The following FOXS1 variants were observed in gnomAD, a reference collection of about 807,000 sequenced individuals.
FOXS1 encodes the protein forkhead box protein S1.
In FOXS1, 7 loss-of-function variants were observed where a neutral mutation model predicts 13.0. That is an observed-to-expected ratio of 0.54 (90% confidence interval 0.31 to 1.01). FOXS1 has a LOEUF of 1.01. FOXS1 is among the 50% of genes least tolerant of loss of function. The probability of loss-of-function intolerance (pLI) is 0.06; values close to 1 mark genes in which losing one functional copy is unlikely to be tolerated. For synonymous variants in FOXS1, 161 were observed against 189.3 expected (o/e 0.85, Z 1.23); for missense variants, 414 against 464.1 (o/e 0.89, Z 0.99).
rs947345465 is a variant in FOXS1, at chr20:31,845,368, G to A, written c.175C>T (p.Arg59Trp). Residue 59 changes from arginine to tryptophan, a missense_variant, in exon 1 of 1, where the codon CGG (arginine) becomes TGG (tryptophan). Transcript: ENST00000375978. ...MGRFAFYRHNRPGWQNSIRHN... is the reference protein window; with the variant it reads ...MGRFAFYRHNWPGWQNSIRHN... ...CGGATGCTGTTCTGCCAGCCGGGCC[G>A]GTTGTGGCGGTAGAAGGCGAATCGG... 9.9e-6 allele frequency: 16 copies of A among 1,614,128 alleles called. No individual in the cohort carries two copies. The highest frequency in any genetic ancestry group is 2.2e-5 in the East Asian group (1 of 44,900).
Position 31,845,529 on chromosome 20 carries a change from G to A in FOXS1, c.14C>T (p.Pro5Leu). 3 of 1,612,636 alleles carry A rather than the reference G, an allele frequency of 1.9e-6. No individual in the cohort carries two copies. The highest frequency in any genetic ancestry group is 2.5e-6 in the Non-Finnish European group (3 of 1,178,958). Residue 5 changes from proline (P) to leucine (L), a missense_variant, in exon 1 of 1, where the codon CCT (proline) becomes CTT (leucine). Coordinates refer to ENST00000375978, the MANE Select transcript of FOXS1 (RefSeq NM_004118.4). MQQQPLPGPGAPTTE... is the reference protein window; with the variant it reads MQQQLLPGPGAPTTE... ...TGTGGGGGCGCCAGGCCCGGGCAGA[G>A]GCTGCTGCTGCATGCTGGCCGGGCT...
At position 31,844,981 on chromosome 20, in the gene FOXS1, G is replaced by A. The variant is rs573027933; in HGVS notation, c.562C>T (p.Pro188Ser). The change falls in exon 1 of 1, where the codon CCA becomes TCA. Residue 188 changes from proline (P) to serine (S), a missense_variant. Physicochemically the swap from Pro to Ser is moderately conservative, Grantham distance 74. Coordinates refer to ENST00000375978, the MANE Select transcript of FOXS1 (RefSeq NM_004118.4). Reference protein sequence around the residue: ...CPATTDGRPRPPMEPKEISTP... With the variant: ...CPATTDGRPRSPMEPKEISTP... ...GAAATCTCTTTGGGCTCCATGGGTG[G>A]CCGAGGCCTGCCATCAGTGGTTGCT... 14 of 1,614,056 alleles carry A rather than the reference G, an allele frequency of 8.7e-6. 1 individual carries two copies. In the South Asian group the frequency reaches 1.4e-4, roughly 16 times the overall value.
In FOXS1 at chr20:31,844,711, G is replaced by T. The variant is rs1332072502; in HGVS notation, c.832C>A (p.Pro278Thr). 6.2e-7 allele frequency: 1 copy of T among 1,613,182 alleles called. No homozygotes were observed. Among genetic ancestry groups the T allele is most frequent in the Non-Finnish European group, 8.5e-7 (1 of 1,179,480 alleles). Residue 278 changes from proline to threonine, a missense_variant, in exon 1 of 1, where the codon CCA (proline) becomes ACA (threonine). Pro to Thr is a conservative substitution (Grantham distance 38). Transcript: ENST00000375978. ...LLASAAPSPA[P>T]PTPPGSLRAP... The stretch of plus-strand genomic sequence containing the variant: ...CGGAGTGAGCCTGGAGGGGTGGGTG[G>T]TGCAGGGGAGGGGGCTGCTGAGGCC...
Position 31,844,860 on chromosome 20 carries a change from T to C in FOXS1, c.683A>G (p.Glu228Gly), listed in dbSNP as rs770204871. 3.7e-6 allele frequency: 6 copies of C among 1,614,216 alleles called. No homozygotes were observed. Among genetic ancestry groups the C allele is most frequent in the Non-Finnish European group, 5.1e-6 (6 of 1,180,032 alleles). The change falls in exon 1 of 1, where the codon GAG becomes GGG. Residue 228 changes from glutamate (E) to glycine (G), a missense_variant. By Grantham distance (98) the Glu-to-Gly change is moderately conservative (BLOSUM62 -2). Coordinates refer to ENST00000375978, the MANE Select transcript of FOXS1 (RefSeq NM_004118.4). The stretch of plus-strand genomic sequence containing the variant: ...GGGCGTAGGGGCCTTATTAAAACTC[T>C]CAGCCTCTGAGAAGCCGGCAGGAAA... ...FGFPAGFSEA[E>G]SFNKAPTPVL...
Position 31,845,523 on chromosome 20 carries a change from G to T in FOXS1, c.20C>A (p.Pro7His). 6.2e-7 allele frequency: 1 copy of T among 1,613,306 alleles called. No individual in the cohort carries two copies. Among genetic ancestry groups the T allele is most frequent in the Non-Finnish European group, 8.5e-7 (1 of 1,179,472 alleles). The change falls in exon 1 of 1, where the codon CCC (proline) becomes CAC (histidine). Residue 7 changes from proline to histidine, a missense_variant. By Grantham distance (77) the Pro-to-His change is moderately conservative (BLOSUM62 -2). Coordinates refer to ENST00000375978, the MANE Select transcript of FOXS1 (RefSeq NM_004118.4). MQQQPL[P>H]GPGAPTTEPT... is the part of the protein sequence containing the mutation. ...CTCAGTTGTGGGGGCGCCAGGCCCG[G>T]GCAGAGGCTGCTGCTGCATGCTGGC...
chr20:31,844,387 G>T lies in FOXS1; in HGVS notation c.*163C>A, dbSNP rs1015365013. 2.4e-6 allele frequency: 2 copies of T among 830,900 alleles called. No homozygotes were observed. Among genetic ancestry groups the T allele is most frequent in the Non-Finnish European group, 3.8e-6 (2 of 525,096 alleles). 51.5% of individuals were successfully genotyped at this position (830,900 alleles called of 1,614,324 possible). A position where few individuals can be genotyped will look rare whatever the true frequency, so the allele number is the denominator to read the frequency against. ...CTTCCCCTCACCCCCAAGTTTGTCC[G>T]GAGGCCCCAGGGGCCTGGCTGAGCA... On this transcript the variant is annotated 3_prime_UTR_variant, in exon 1 of 1. Transcript: ENST00000375978.
chr20:31,844,999 T>C lies in FOXS1; in HGVS notation c.544A>G (p.Thr182Ala). 1 of 1,613,914 alleles carries C rather than the reference T, an allele frequency of 6.2e-7. No homozygotes were observed. The highest frequency in any genetic ancestry group is 1.1e-5 in the South Asian group (1 of 91,080). ...ATGGGTGGCCGAGGCCTGCCATCAG[T>C]GGTTGCTGGGCACATACTGGCTGGC... The part of the protein sequence containing the change: ...AMPASMCPAT[T>A]DGRPRPPMEP... Residue 182 changes from threonine to alanine, a missense_variant, in exon 1 of 1, where the codon ACT (threonine) becomes GCT (alanine). Thr to Ala is a moderately conservative substitution (Grantham distance 58, BLOSUM62 0). Transcript: ENST00000375978.
Position 31,844,841 on chromosome 20 carries a change from A to G in FOXS1, c.702T>C (p.Pro234=), listed in dbSNP as rs202034274. 1.2e-6 allele frequency: 2 copies of G among 1,614,242 alleles called. No homozygotes were observed. Among genetic ancestry groups the G allele is most frequent in the Admixed American group, 1.7e-5 (1 of 60,032 alleles). The part of the protein sequence containing the change: ...FSEAESFNKA[P]TPVLSPESGI... ...CTGATTCCGGGGACAAGACGGGCGTAGGGGCCTTATTAAAACTCTCAGCCT... is the reference window on the plus strand; with the variant it reads ...CTGATTCCGGGGACAAGACGGGCGTGGGGGCCTTATTAAAACTCTCAGCCT... Residue 234 remains proline, a synonymous_variant, in exon 1 of 1, where the codon CCT becomes CCC. Coordinates refer to ENST00000375978, the MANE Select transcript of FOXS1 (RefSeq NM_004118.4).
chr20:31,845,126 C>T lies in FOXS1; in HGVS notation c.417G>A (p.Gln139=), dbSNP rs922971113. 5 of 1,607,454 alleles carry T rather than the reference C, an allele frequency of 3.1e-6. No individual in the cohort carries two copies. Among genetic ancestry groups the T allele is most frequent in the Non-Finnish European group, 4.2e-6 (5 of 1,177,460 alleles). Residue 139 remains glutamine, a synonymous_variant, in exon 1 of 1, where the codon CAG becomes CAA. Coordinates refer to ENST00000375978, the MANE Select transcript of FOXS1 (RefSeq NM_004118.4). ...ARRGPLRATS[Q]DPGVPNATTG... ...TCGTGGCGTTGGGGACTCCTGGGTC[C>T]TGGCTGGTCGCCCTGAGGGGTCCAC...
Position 31,844,738 on chromosome 20 carries a change from A to T in FOXS1, c.805T>A (p.Leu269Met). Residue 269 changes from leucine to methionine, a missense_variant, in exon 1 of 1, where the codon TTG becomes ATG. Transcript: ENST00000375978. ...MGADPGLEHLLASAAPSPAPP... is the reference protein window; with the variant it reads ...MGADPGLEHLMASAAPSPAPP... ...GCAGGGGAGGGGGCTGCTGAGGCCA[A>T]GAGGTGCTCAAGGCCTGGGTCAGCC... 6.2e-7 allele frequency: 1 copy of T among 1,613,840 alleles called. No homozygotes were observed. The highest frequency in any genetic ancestry group is 2.2e-5 in the East Asian group (1 of 44,884).
In FOXS1 at chr20:31,844,989, C is replaced by A. The variant is rs370776790; in HGVS notation, c.554G>T (p.Arg185Met). 1.5e-5 allele frequency: 24 copies of A among 1,613,966 alleles called. No homozygotes were observed. The East Asian group carries it at 4.0e-4, about 27-fold the overall frequency. The change falls in exon 1 of 1, where the codon AGG becomes ATG. Residue 185 changes from arginine (R) to methionine (M), a missense_variant. By Grantham distance (91) the Arg-to-Met change is moderately conservative (BLOSUM62 -1). Coordinates refer to ENST00000375978, the MANE Select transcript of FOXS1 (RefSeq NM_004118.4). ...TTTGGGCTCCATGGGTGGCCGAGGC[C>A]TGCCATCAGTGGTTGCTGGGCACAT... ...ASMCPATTDGRPRPPMEPKEI... is the reference protein window; with the variant it reads ...ASMCPATTDGMPRPPMEPKEI...
rs142730499 is a variant in FOXS1, at chr20:31,845,099, G to A, written c.444C>T (p.Thr148=). ...SQDPGVPNAT[T]GRQCSFPPEL... ...CTGGTGGGAATGAGCACTGCCTGCC[G>A]GTCGTGGCGTTGGGGACTCCTGGGT... Residue 148 remains threonine, a synonymous_variant, in exon 1 of 1, where the codon ACC becomes ACT. Transcript: ENST00000375978. 6.8e-4 allele frequency: 1,099 copies of A among 1,608,550 alleles called. 7 individuals carry two copies. In the African/African-American group the frequency reaches 0.013, roughly 19 times the overall value.
At position 31,845,343 on chromosome 20, in the gene FOXS1, C is replaced by T. The variant is rs753988284; in HGVS notation, c.200G>A (p.Arg67His). The change falls in exon 1 of 1, where the codon CGC becomes CAC. Residue 67 changes from arginine to histidine, a missense_variant. Transcript: ENST00000375978. The stretch of plus-strand genomic sequence containing the variant: ...GCACTCGTTGAGTGACAGGTTGTGG[C>T]GGATGCTGTTCTGCCAGCCGGGCCG... ...HNRPGWQNSI[R>H]HNLSLNECFV... The T allele has an allele frequency of 1.8e-5, 29 of 1,614,206 alleles. No homozygotes were observed. The highest frequency in any genetic ancestry group is 3.3e-5 in the Admixed American group (2 of 60,036).
chr20:31,844,533 C>T lies in FOXS1; in HGVS notation c.*17G>A. On this transcript the variant is annotated 3_prime_UTR_variant, in exon 1 of 1. Transcript: ENST00000375978. ...AGGGTGAGGGACCTGCAGGGACTGC[C>T]CGAGGTGAGGCTGCCTTTACTCAAA... 2 of 1,612,360 alleles carry T rather than the reference C, an allele frequency of 1.2e-6. No homozygotes were observed. Among genetic ancestry groups the T allele is most frequent in the East Asian group, 2.2e-5 (1 of 44,886 alleles).
rs1365946389 is a variant in FOXS1 at position 31,844,969 on chromosome 20, G to A, written c.574C>T (p.Pro192Ser). 1 of 1,614,162 alleles carries A rather than the reference G, an allele frequency of 6.2e-7. No homozygotes were observed. Among genetic ancestry groups the A allele is most frequent in the Non-Finnish European group, 8.5e-7 (1 of 1,180,028 alleles). ...TDGRPRPPME[P>S]KEISTPKPAC... is the part of the protein sequence containing the mutation. The stretch of plus-strand genomic sequence containing the variant: ...GGCTTGGGCGTGGAAATCTCTTTGG[G>A]CTCCATGGGTGGCCGAGGCCTGCCA... The change falls in exon 1 of 1, where the codon CCC becomes TCC. Residue 192 changes from proline (P) to serine (S), a missense_variant. Pro to Ser is a moderately conservative substitution (Grantham distance 74). Transcript: ENST00000375978.
Position 31,844,617 on chromosome 20 carries a change from C to G in FOXS1, c.926G>C (p.Gly309Ala). Residue 309 changes from glycine to alanine, a missense_variant, in exon 1 of 1, where the codon GGC becomes GCC. Physicochemically the swap from Gly to Ala is moderately conservative, Grantham distance 60. Coordinates refer to ENST00000375978, the MANE Select transcript of FOXS1 (RefSeq NM_004118.4). ...WVAGGFPVQG[G>A]SGYPLGLTPC... ...GGTCAGCCCCAATGGGTAGCCGGAG[C>G]CTCCCTGGACAGGGAAGCCACCTGC... The G allele has an allele frequency of 6.2e-7, 1 of 1,614,044 alleles. No homozygotes were observed. The highest frequency in any genetic ancestry group is 8.5e-7 in the Non-Finnish European group (1 of 1,179,990).
rs762159643 is a variant in FOXS1, at chr20:31,844,890, A to C, written c.653T>G (p.Phe218Cys). The C allele has an allele frequency of 1.2e-6, 2 of 1,614,250 alleles. No individual in the cohort carries two copies. Among genetic ancestry groups the C allele is most frequent in the Non-Finnish European group, 1.7e-6 (2 of 1,180,026 alleles). ...CTCTGAGAAGCCGGCAGGAAAGCCA[A>C]ACGCTGGGCATGAGGAAGATGAGGT... ...VATSSSSCPA[F>C]GFPAGFSEAE... Residue 218 changes from phenylalanine to cysteine, a missense_variant, in exon 1 of 1, where the codon TTT becomes TGT. Physicochemically the swap from Phe to Cys is radical, Grantham distance 205. Coordinates refer to ENST00000375978, the MANE Select transcript of FOXS1 (RefSeq NM_004118.4).
rs1379212887 is a variant in FOXS1, at chr20:31,844,478, C to T, written c.*72G>A. The T allele has an allele frequency of 6.5e-7, 1 of 1,550,146 alleles. No individual in the cohort carries two copies. The highest frequency in any genetic ancestry group is 1.4e-5 in the African/African-American group (1 of 73,054). ...ACCAGGGCTGGGTCCTTCGAGAGTT[C>T]TTCAGGTCCTAGAGCCAGGCTCAGC... On this transcript the variant is annotated 3_prime_UTR_variant, in exon 1 of 1. Transcript: ENST00000375978.
Position 31,844,357 on chromosome 20 carries a change from C to G in FOXS1, c.*193G>C, listed in dbSNP as rs1378420343. 2 of 637,120 alleles carry G rather than the reference C, an allele frequency of 3.1e-6. No homozygotes were observed. The highest frequency in any genetic ancestry group is 5.5e-6 in the Non-Finnish European group (2 of 364,826). The allele number at this position is 637,120 out of a possible 1,614,324, so 39.5% of individuals were successfully genotyped here. Reference sequence around the variant, plus strand: ...GAGCCACAGAGTAAATCCCAAGAGGCCCTGCTTCCCCTCACCCCCAAGTTT... The same window carrying G: ...GAGCCACAGAGTAAATCCCAAGAGGGCCTGCTTCCCCTCACCCCCAAGTTT... On this transcript the variant is annotated 3_prime_UTR_variant, in exon 1 of 1. Transcript: ENST00000375978.
Sources: gnomAD v4.1 joint callset for allele counts on GRCh38, gnomAD v4.1.1 for gene constraint, MANE v1.5 for transcripts, NCBI Gene and HGNC (gene_info 2026-07-23, HGNC 2026-07-21) for gene names.